Variants in CIPC observed in about 807,000 individuals in gnomAD.
The protein encoded by CIPC is CLOCK-interacting pacemaker.
Under a neutral mutation model 26.7 loss-of-function variants are expected in CIPC, and 12 were observed. The ratio of observed to expected loss-of-function variants is 0.45; its 90% CI spans 0.29 to 0.73. The LOEUF (loss-of-function observed/expected upper bound fraction) is 0.73. CIPC is among the 30% of genes least tolerant of loss of function. The pLI is 0.12. For synonymous variants in CIPC, 170 were observed against 189.8 expected, an observed-to-expected ratio of 0.90 and a Z score of 0.86; for missense variants, 417 against 486.5, an observed-to-expected ratio of 0.86 and a Z score of 1.34.
rs1315170437 is a variant in CIPC, at chr14:77,114,692, G to A, written c.*374G>A. On this transcript the variant is annotated 3_prime_UTR_variant, in exon 4 of 4. Transcript: ENST00000361786. Reference sequence around the variant, plus strand: ...GTACAGTAACACGAATGAGCATACAGAGCAACACCTGTTGAGCCAGGGAGT... The same window carrying A: ...GTACAGTAACACGAATGAGCATACAAAGCAACACCTGTTGAGCCAGGGAGT... 1.0e-5 allele frequency: 2 copies of A among 191,850 alleles called. No individual in the cohort carries two copies. Among genetic ancestry groups the A allele is most frequent in the Admixed American group, 5.3e-5 (1 of 18,960 alleles). 11.9% of individuals were successfully genotyped at this position (191,850 alleles called of 1,614,324 possible). A position where few individuals can be genotyped will look rare whatever the true frequency, so the allele number is the denominator to read the frequency against.
chr14:77,111,466 A>ATGTGAT (rs1482921357), intron 3 of CIPC, among the ~76,000 whole-genome samples: 1 of 152,218 alleles, frequency 6.6e-6, no homozygotes, highest in East Asian at 1.9e-4. Flanking sequence ...ACACATTTAA[A>ATGTGAT]ACTCTGCATG....
intron 2 of CIPC, among the ~76,000 whole-genome samples, chr14:77,108,153 CA>C (rs1886627366): frequency 6.6e-6 from 1 of 152,194 alleles, no homozygotes; most frequent in African/African-American, 2.4e-5. Flanking sequence ...CTTCCCATTG[CA>C]ACACATTTGG....
At position 77,105,860 on chromosome 14, in the gene CIPC, T is replaced by C. The variant is rs1379669478; in HGVS notation, c.136+16T>C. The stretch of plus-strand genomic sequence containing the variant: ...GGCTTTTCAGGTTAAAAATATCTTA[T>C]CCTTCCTCTGTTTTGTGAGTGAATG... On this transcript the variant is annotated intron_variant, in intron 2 of 3. Coordinates refer to ENST00000361786, the MANE Select transcript of CIPC (RefSeq NM_033426.3). The C allele has an allele frequency of 3.1e-6, 5 of 1,612,442 alleles. No individual in the cohort carries two copies. Among genetic ancestry groups the C allele is most frequent in the Admixed American group, 1.7e-5 (1 of 59,614 alleles).
intron 1 of CIPC, among the ~76,000 whole-genome samples, chr14:77,104,681 C>T (rs1301952419): frequency 6.6e-6 from 1 of 152,216 alleles, no homozygotes; most frequent in Non-Finnish European, 1.5e-5. Flanking sequence ...TACTAATTCC[C>T]AATCCTCCAG....
Position 77,113,968 on chromosome 14 carries a change from C to T in CIPC, c.850C>T (p.Pro284Ser). ...HGLESNSPLSPLSANYSSPLW... is the reference protein window; with the variant it reads ...HGLESNSPLSSLSANYSSPLW... ...GTTAGAGAGCAACTCTCCCCTTTCA[C>T]CACTGTCCGCTAATTATAGCTCACC... is the stretch of plus-strand genomic sequence containing the variant. The change falls in exon 4 of 4, where the codon CCA becomes TCA. Residue 284 changes from proline to serine, a missense_variant. Physicochemically the swap from Pro to Ser is moderately conservative, Grantham distance 74 (BLOSUM62 -1). Coordinates refer to ENST00000361786, the MANE Select transcript of CIPC (RefSeq NM_033426.3). 1 of 1,614,264 alleles carries T rather than the reference C, an allele frequency of 6.2e-7. No individual in the cohort carries two copies. The highest frequency in any genetic ancestry group is 8.5e-7 in the Non-Finnish European group (1 of 1,180,050).
At chr14:77,106,768 G>T (rs1237932227) in intron 2 of CIPC, among the ~76,000 whole-genome samples, 2 of 152,126 alleles carry the variant, frequency 1.3e-5, no homozygotes, top group Non-Finnish European at 2.9e-5. Context: ...TCTCCCTGTA[G>T]GCATGCTGCT....
At chr14:77,106,467 G>A (rs1886592547) in intron 2 of CIPC, among the ~76,000 whole-genome samples, 2 of 152,116 alleles carry the variant, frequency 1.3e-5, no homozygotes, top group South Asian at 4.1e-4. Context: ...AGGGCTAGCT[G>A]CATATATATT....
intron 1 of CIPC, among the ~76,000 whole-genome samples, chr14:77,104,411 C>T (rs1886551135): frequency 6.6e-6 from 1 of 152,182 alleles, no homozygotes; most frequent in South Asian, 2.1e-4. Flanking sequence ...ATAAAATGCA[C>T]ATCTGATCAT....
intron 1 of CIPC, among the ~76,000 whole-genome samples, chr14:77,102,263 A>C (rs1886504223): frequency 6.6e-6 from 1 of 152,184 alleles, no homozygotes; most frequent in African/African-American, 2.4e-5. Flanking sequence ...GCTATCGGAC[A>C]AGACAGGTCA....
intron 1 of CIPC, among the ~76,000 whole-genome samples, chr14:77,102,732 C>T (rs1886514741): frequency 6.6e-6 from 1 of 152,190 alleles, no homozygotes; most frequent in Non-Finnish European, 1.5e-5. Context: ...TTGCAACTAA[C>T]ATGAGCTACC....
intron 2 of CIPC, among the ~76,000 whole-genome samples, chr14:77,107,654 A>ACTCTCTCT (rs557698167): frequency 3.8e-5 from 5 of 132,736 alleles, no homozygotes; most frequent in Non-Finnish European, 8.2e-5. Context: ...ACACACACAC[A>ACTCTCTCT]CACACTCTCT....
rs962866692 is a variant in CIPC at position 77,110,112 on chromosome 14, G to A, written c.306+131G>A. On this transcript the variant is annotated intron_variant, in intron 3 of 3. Coordinates refer to ENST00000361786, the MANE Select transcript of CIPC (RefSeq NM_033426.3). ...CAGACCATTAGAACCACACCAATGTGTACTTTCTGTCCTGGGGAGCGGATG... is the reference window on the plus strand; with the variant it reads ...CAGACCATTAGAACCACACCAATGTATACTTTCTGTCCTGGGGAGCGGATG... 7.8e-5 allele frequency: 63 copies of A among 806,598 alleles called. 1 individual carries two copies. The African/African-American group carries it at 9.0e-4, about 12-fold the overall frequency. The allele number at this position is 806,598 out of a possible 1,614,324, so 50.0% of individuals were successfully genotyped here.
In CIPC at chr14:77,113,679, A is replaced by T. The variant is rs1347598386; in HGVS notation, c.561A>T (p.Lys187Asn). The T allele has an allele frequency of 1.2e-6, 2 of 1,613,504 alleles. No homozygotes were observed. Among genetic ancestry groups the T allele is most frequent in the African/African-American group, 1.3e-5 (1 of 74,948 alleles). ...AAGGAACAAGTGGAGTGCAGAAGAA[A>T]ATCTGTACTGAGAGACTTGGGCCTA... ...EEKGTSGVQKKICTERLGPSL... is the reference protein window; with the variant it reads ...EEKGTSGVQKNICTERLGPSL... The change falls in exon 4 of 4, where the codon AAA becomes AAT. Residue 187 changes from lysine (K) to asparagine (N), a missense_variant. Lys to Asn is a moderately conservative substitution (Grantham distance 94, BLOSUM62 0). Transcript: ENST00000361786.
At chr14:77,100,761 G>A (rs936845856) in intron 1 of CIPC, among the ~76,000 whole-genome samples, 2 of 151,546 alleles carry the variant, frequency 1.3e-5, no homozygotes, top group Non-Finnish European at 2.9e-5. Context: ...TAGAGACAGG[G>A]TTTCACCATG....
intron 3 of CIPC, 69 bp downstream of exon 3, chr14:77,110,050 GA>G: frequency 6.8e-7 from 1 of 1,478,498 alleles, no homozygotes; most frequent in East Asian, 2.3e-5. Flanking sequence ...TATAAAGGAA[GA>G]GATTTATATT....
rs917928585 is a variant in CIPC, at chr14:77,114,698, C to T, written c.*380C>T. 17 of 188,194 alleles carry T rather than the reference C, an allele frequency of 9.0e-5. No homozygotes were observed. Among genetic ancestry groups the T allele is most frequent in the African/African-American group, 7.0e-5 (3 of 42,746 alleles). The allele number at this position is 188,194 out of a possible 1,614,324, so 11.7% of individuals were successfully genotyped here. ...TAACACGAATGAGCATACAGAGCAA[C>T]ACCTGTTGAGCCAGGGAGTAGGTGA... On this transcript the variant is annotated 3_prime_UTR_variant, in exon 4 of 4. Transcript: ENST00000361786.
chr14:77,098,799 T>C (rs1886414146), intron 1 of CIPC: 1 of 151,240 alleles, frequency 6.6e-6, no homozygotes, highest in African/African-American at 2.4e-5. Flanking sequence ...TGGTACCCTG[T>C]TCTGGCTCCA....
intron 2 of CIPC, among the ~76,000 whole-genome samples, chr14:77,108,075 G>T (rs1036907180): frequency 3.3e-5 from 5 of 152,042 alleles, no homozygotes; most frequent in Non-Finnish European, 7.3e-5. Context: ...GGATTTTCTG[G>T]TAGTGTCCCC....
intron 3 of CIPC, among the ~76,000 whole-genome samples, chr14:77,111,061 A>G (rs768864557): frequency 1.3e-5 from 2 of 152,234 alleles, no homozygotes; most frequent in Non-Finnish European, 2.9e-5. Flanking sequence ...GAAAGAATAG[A>G]GACAGGAAAC....
Sources: allele counts gnomAD v4.1 joint callset (sites outside exome capture counted in the v4.1 genomes callset), GRCh38; gene constraint gnomAD v4.1.1; transcripts MANE v1.5; gene names NCBI Gene and HGNC (gene_info 2026-07-23, HGNC 2026-07-21).